Variants in TG observed in about 807,000 individuals in gnomAD.
TG encodes the protein thyroglobulin, also known as thyroid hormones.
A neutral mutation model predicts 324.7 loss-of-function variants in TG; 270 were observed. That is an observed-to-expected ratio of 0.83 (90% CI 0.75 to 0.92). The LOEUF is 0.92. TG is among the 40% of genes least tolerant of loss of function. The pLI is 0.00. For missense variants in TG, 3,591 were observed against 3,456.4 expected, an observed-to-expected ratio of 1.04 and a Z score of -0.98; for synonymous variants, 1,401 against 1,327.0, an observed-to-expected ratio of 1.06 and a Z score of -1.21.
In TG at chr8:132,888,374, A is replaced by G. The variant is rs140030978; in HGVS notation, c.2567A>G (p.Gln856Arg). ...PLAALEGKRPQPRENILLEPY... is the reference protein window; with the variant it reads ...PLAALEGKRPRPRENILLEPY... Reference sequence around the variant, plus strand: ...GCAGCACTGGAAGGGAAACGGCCCCAGCCCAGGGAGAATATCCTCCTGGAG... The same window carrying G: ...GCAGCACTGGAAGGGAAACGGCCCCGGCCCAGGGAGAATATCCTCCTGGAG... The change falls in exon 10 of 48, where the codon CAG (glutamine) becomes CGG (arginine). Residue 856 changes from glutamine to arginine, a missense_variant. Transcript: ENST00000220616. The G allele has an allele frequency of 1.9e-6, 3 of 1,614,226 alleles. No individual in the cohort carries two copies. Among genetic ancestry groups the G allele is most frequent in the Non-Finnish European group, 2.5e-6 (3 of 1,180,044 alleles).
At chr8:132,970,675 G>A (rs973515031) in intron 32 of TG, among the ~76,000 whole-genome samples, 6 of 152,150 alleles carry the variant, frequency 3.9e-5, no homozygotes, top group African/African-American at 9.7e-5. Context: ...TGGGAGTGGT[G>A]GATGAAAAGG....
At chr8:132,899,269 T>C (rs946626686) in intron 14 of TG, among the ~76,000 whole-genome samples, 1 of 152,228 alleles carries the variant, frequency 6.6e-6, no homozygotes, top group Non-Finnish European at 1.5e-5. Flanking sequence ...GCTTACAGTG[T>C]CCCAGGTTCT....
intron 35 of TG, among the ~76,000 whole-genome samples, chr8:133,007,405 TG>T (rs1834115074): frequency 6.6e-6 from 1 of 152,130 alleles, no homozygotes; most frequent in Admixed American, 6.5e-5. Flanking sequence ...AGGCTTTTTT[TG>T]TGCCCGTTAA....
At chr8:133,103,603 T>C (rs1005564471) in intron 43 of TG, among the ~76,000 whole-genome samples, 2 of 152,214 alleles carry the variant, frequency 1.3e-5, no homozygotes, top group Non-Finnish European at 2.9e-5. Flanking sequence ...ATTATTATAT[T>C]TTTTCTTCTG....
intron 4 of TG, 133 bp from the exon 5 acceptor site, chr8:132,872,929 C>A (rs1839628592): frequency 2.0e-6 from 2 of 1,002,202 alleles, no homozygotes; most frequent in Non-Finnish European, 3.0e-6. Context: ...GTTCACACGA[C>A]AATGAAACCG....
intron 45 of TG, among the ~76,000 whole-genome samples, chr8:133,126,105 T>A (rs1851497293): frequency 6.6e-6 from 1 of 152,340 alleles, no homozygotes; most frequent in African/African-American, 2.4e-5. Flanking sequence ...ATGCCTTAAA[T>A]ATTTTATTTT....
In TG at chr8:132,937,964, C is replaced by T. The variant is rs150041573; in HGVS notation, c.5041+2100C>T. 4.4e-3 allele frequency among the ~76,000 whole-genome samples: 665 copies of T among 152,146 alleles called. 7 individuals carry two copies. Among genetic ancestry groups the T allele is most frequent in the African/African-American group, 0.015 (634 of 41,500 alleles). ...TTTGGTTTAAAGCAGAAGATGTGCCCGGCAGCCGTTCTAGACCCGGGTGGA... is the reference window on the plus strand; with the variant it reads ...TTTGGTTTAAAGCAGAAGATGTGCCTGGCAGCCGTTCTAGACCCGGGTGGA... On this transcript the variant is annotated intron_variant, in intron 25 of 47. Coordinates refer to ENST00000220616, the MANE Select transcript of TG (RefSeq NM_003235.5).
At chr8:133,063,141 G>A (rs1842613906) in intron 41 of TG, among the ~76,000 whole-genome samples, 2 of 152,288 alleles carry the variant, frequency 1.3e-5, no homozygotes, top group Middle Eastern at 3.4e-3. Context: ...CCCAGACACA[G>A]CAAACTGTCC....
chr8:132,911,350 G>C, intron 18 of TG, 27 bp from the exon 19 acceptor site: 1 of 1,614,138 alleles, frequency 6.2e-7, no homozygotes, highest in Non-Finnish European at 8.5e-7. Flanking sequence ...CTGTGTTCTT[G>C]AGCTGAAAGT....
Position 132,919,504 on chromosome 8 carries a change from G to C in TG, c.4507G>C (p.Gly1503Arg). The change falls in exon 21 of 48, where the codon GGA becomes CGA. Residue 1503 changes from glycine to arginine, a missense_variant. Physicochemically the swap from Gly to Arg is moderately radical, Grantham distance 125 (BLOSUM62 -2). Transcript: ENST00000220616. ...TGTGGGCAGAACGACCATTTCTGCTGGAGCTTTCAGCCAGACTCACTGTAA... is the reference window on the plus strand; with the variant it reads ...TGTGGGCAGAACGACCATTTCTGCTCGAGCTTTCAGCCAGACTCACTGTAA... ...CPVGRTTISA[G>R]AFSQTHCVTD... 6 of 1,613,798 alleles carry C rather than the reference G, an allele frequency of 3.7e-6. No individual in the cohort carries two copies. Among genetic ancestry groups the C allele is most frequent in the Non-Finnish European group, 5.1e-6 (6 of 1,179,806 alleles).
At chr8:132,898,733 C>T (rs1817496569) in intron 13 of TG, 65 bp from the exon 14 acceptor site, 1 of 1,454,394 alleles carries the variant, frequency 6.9e-7, no homozygotes. Context: ...TGGGGTCAGC[C>T]TGGGATCCCC....
At chr8:133,098,488 C>T (rs1375568882) in intron 43 of TG, among the ~76,000 whole-genome samples, 1 of 152,238 alleles carries the variant, frequency 6.6e-6, no homozygotes, top group East Asian at 1.9e-4. Context: ...CAATTTCCCA[C>T]TCACCTCCTT....
intron 23 of TG, 64 bp downstream of exon 23, chr8:132,929,256 G>C: frequency 7.8e-7 from 1 of 1,277,958 alleles, no homozygotes. Context: ...GCTGAGAGTT[G>C]TCGAGACAAA....
At chr8:133,064,966 C>T (rs987234442) in intron 41 of TG, among the ~76,000 whole-genome samples, 30 of 152,352 alleles carry the variant, frequency 2.0e-4, no homozygotes, top group African/African-American at 7.2e-4. Flanking sequence ...AAGCCAGGAA[C>T]TGAACCCTTG....
chr8:132,885,078 C>T (rs1267185343), intron 8 of TG, among the ~76,000 whole-genome samples: 1 of 149,372 alleles, frequency 6.7e-6, no homozygotes, highest in East Asian at 2.0e-4. Flanking sequence ...AATTGGCTGA[C>T]TTTCTTTTTG....
At chr8:133,102,761 A>G (rs1409113744) in intron 43 of TG, 2 of 584,906 alleles carry the variant, frequency 3.4e-6, no homozygotes, top group African/African-American at 1.9e-5. Context: ...ATTTGTTCCA[A>G]GATGCAATGT....
intron 41 of TG, among the ~76,000 whole-genome samples, chr8:133,085,184 C>T (rs1021656817): frequency 6.6e-6 from 1 of 152,176 alleles, no homozygotes. Flanking sequence ...GGTATAATCT[C>T]TCTCTAGGAC....
intron 46 of TG, 136 bp from the exon 47 acceptor site, chr8:133,133,334 G>T: frequency 1.1e-6 from 1 of 885,280 alleles, no homozygotes; most frequent in Non-Finnish European, 1.9e-6. Flanking sequence ...CAGATTTAGG[G>T]AGTTCACATG....
chr8:132,960,747 C>T (rs942735275), intron 27 of TG, among the ~76,000 whole-genome samples: 3 of 152,264 alleles, frequency 2.0e-5, no homozygotes, highest in African/African-American at 7.2e-5. Flanking sequence ...AAGTGACTCT[C>T]CCGAGTCATA....
Sources: allele counts gnomAD v4.1 joint callset (sites outside exome capture counted in the v4.1 genomes callset), GRCh38; gene constraint gnomAD v4.1.1; transcripts MANE v1.5; gene names NCBI Gene and HGNC (gene_info 2026-07-23, HGNC 2026-07-21).